GPC5: variants seen among roughly 807,000 people sequenced by gnomAD.
GPC5 encodes the protein glypican 5, also known as glypican-5.
Under a neutral mutation model 53.9 loss-of-function variants are expected in GPC5, and 47 were observed. That is an observed-to-expected ratio of 0.87 (90% CI 0.69 to 1.11). The LOEUF is 1.11. GPC5 is among the 50% of genes most tolerant of loss of function. The pLI is 0.00. For missense variants in GPC5, 748 were observed against 713.1 expected, an observed-to-expected ratio of 1.05 and a Z score of -0.56; for synonymous variants, 286 against 263.3, an observed-to-expected ratio of 1.09 and a Z score of -0.84.
At chr13:92,243,031 C>T (rs1415278096) in intron 7 of GPC5, among the ~76,000 whole-genome samples, 1 of 152,124 alleles carries the variant, frequency 6.6e-6, no homozygotes, top group African/African-American at 2.4e-5. Context: ...ATAGTTTTCT[C>T]TCACATTGTT....
intron 2 of GPC5, among the ~76,000 whole-genome samples, chr13:91,664,624 C>A (rs569060792): frequency 9.8e-5 from 15 of 152,330 alleles, no homozygotes; most frequent in African/African-American, 3.1e-4. Flanking sequence ...ACATGGCCTG[C>A]ATCACTAGAC....
chr13:92,279,236 C>G (rs1216014295), intron 7 of GPC5, among the ~76,000 whole-genome samples: 1 of 152,034 alleles, frequency 6.6e-6, no homozygotes, highest in Non-Finnish European at 1.5e-5. Flanking sequence ...ATACCTTGCA[C>G]TTCCTCATCT....
intron 7 of GPC5, among the ~76,000 whole-genome samples, chr13:92,155,497 G>T (rs1470028514): frequency 6.6e-6 from 1 of 151,992 alleles, no homozygotes; most frequent in African/African-American, 2.4e-5. Context: ...ATTTTTCTAG[G>T]AGGCTTTTAT....
At chr13:91,675,912 C>T (rs1187771410) in intron 2 of GPC5, among the ~76,000 whole-genome samples, 1 of 152,070 alleles carries the variant, frequency 6.6e-6, no homozygotes, top group Non-Finnish European at 1.5e-5. Context: ...ATATCTCACT[C>T]CAGGGTGGTT....
At position 91,746,195 on chromosome 13, in the gene GPC5, A is replaced by T. The variant is rs574129633; in HGVS notation, c.1155-10100A>T. Reference sequence around the variant, plus strand: ...CTCTACAGGGTTGAGCCTGCTCATTAGTGCCACATTAACCTTCACGTTGCC... The same window carrying T: ...CTCTACAGGGTTGAGCCTGCTCATTTGTGCCACATTAACCTTCACGTTGCC... On this transcript the variant is annotated intron_variant, in intron 4 of 7. Transcript: ENST00000377067. Among the ~76,000 whole-genome samples the T allele has an allele frequency of 5.3e-5, 8 of 152,204 alleles. No homozygotes were observed. In the South Asian group the frequency reaches 6.2e-4, roughly 12 times the overall value.
At chr13:92,288,360 T>G (rs2042970706) in intron 7 of GPC5, among the ~76,000 whole-genome samples, 1 of 152,196 alleles carries the variant, frequency 6.6e-6, no homozygotes, top group Admixed American at 6.5e-5. Flanking sequence ...GATTTTGTAA[T>G]GTGGTAACTC....
intron 7 of GPC5, among the ~76,000 whole-genome samples, chr13:92,748,965 TCA>T (rs1335660473): frequency 6.6e-6 from 1 of 152,202 alleles, no homozygotes; most frequent in Non-Finnish European, 1.5e-5. Flanking sequence ...CAAAAGAATA[TCA>T]GTTTCTGTGT....
At chr13:92,524,237 T>C (rs1312579678) in intron 7 of GPC5, among the ~76,000 whole-genome samples, 1 of 152,104 alleles carries the variant, frequency 6.6e-6, no homozygotes, top group Non-Finnish European at 1.5e-5. Context: ...GTTTATGGAA[T>C]ATTCTAAATC....
chr13:92,845,413 T>C (rs1594545674), intron 7 of GPC5, among the ~76,000 whole-genome samples: 1 of 152,182 alleles, frequency 6.6e-6, no homozygotes, highest in Non-Finnish European at 1.5e-5. Context: ...TACAATATAG[T>C]TCCGATTCAA....
chr13:92,387,441 T>A (rs1181731999), intron 7 of GPC5, among the ~76,000 whole-genome samples: 1 of 152,080 alleles, frequency 6.6e-6, no homozygotes, highest in South Asian at 2.1e-4. Flanking sequence ...ATTATCTTGA[T>A]TGCAAATGTA....
At chr13:91,424,355 G>A (rs959483175) in intron 1 of GPC5, among the ~76,000 whole-genome samples, 3 of 144,098 alleles carry the variant, frequency 2.1e-5, no homozygotes, top group African/African-American at 7.6e-5. Context: ...GCAGAATCCA[G>A]TACTGCTTTT....
At chr13:92,447,606 T>G (rs1877881891) in intron 7 of GPC5, 1 of 152,130 alleles carries the variant, frequency 6.6e-6, no homozygotes, top group Non-Finnish European at 1.5e-5. Context: ...TAATGTAATT[T>G]TCCTGCAGAG....
intron 7 of GPC5, among the ~76,000 whole-genome samples, chr13:92,500,050 C>A (rs1053404680): frequency 7.2e-5 from 11 of 152,126 alleles, no homozygotes; most frequent in African/African-American, 2.4e-4. Flanking sequence ...TGGTGACTTT[C>A]CTTTTTTAAA....
chr13:91,557,979 C>A (rs989424296), intron 2 of GPC5, among the ~76,000 whole-genome samples: 2 of 151,980 alleles, frequency 1.3e-5, no homozygotes, highest in Admixed American at 6.6e-5. Context: ...AAGCCTTTTG[C>A]AATAAGGAAA....
At chr13:92,575,940 A>C (rs1883176995) in intron 7 of GPC5, among the ~76,000 whole-genome samples, 1 of 152,196 alleles carries the variant, frequency 6.6e-6, no homozygotes, top group South Asian at 2.1e-4. Flanking sequence ...ATGCAATGGC[A>C]TCAGACCAAG....
chr13:92,488,419 C>G (rs770380665), intron 7 of GPC5, among the ~76,000 whole-genome samples: 1 of 152,190 alleles, frequency 6.6e-6, no homozygotes, highest in African/African-American at 2.4e-5. Context: ...AATTAAATTA[C>G]ATAGATTCTA....
chr13:91,571,511 G>A (rs1044319391), intron 2 of GPC5, among the ~76,000 whole-genome samples: 1 of 151,786 alleles, frequency 6.6e-6, no homozygotes, highest in African/African-American at 2.4e-5. Context: ...TTGTGAGTAG[G>A]TCAGGAGTTC....
chr13:92,368,814 A>G (rs551000510), intron 7 of GPC5, among the ~76,000 whole-genome samples: 1 of 152,132 alleles, frequency 6.6e-6, no homozygotes, highest in Non-Finnish European at 1.5e-5. Flanking sequence ...GGCCTGGTAT[A>G]TGACTAATTA....
intron 6 of GPC5, among the ~76,000 whole-genome samples, chr13:92,044,780 T>C (rs2040968245): frequency 6.6e-6 from 1 of 152,212 alleles, no homozygotes; most frequent in Admixed American, 6.5e-5. Context: ...CATCCAGATG[T>C]TGATGTATTA....
Sources: gnomAD v4.1 joint callset for allele counts (sites outside exome capture counted in the v4.1 genomes callset) on GRCh38, gnomAD v4.1.1 for gene constraint, MANE v1.5 for transcripts, NCBI Gene and HGNC (gene_info 2026-07-23, HGNC 2026-07-21) for gene names.